Variants in VWC2L observed in about 807,000 individuals in gnomAD.
The protein encoded by VWC2L is von Willebrand factor C domain containing 2 like.
Under a neutral mutation model 21.6 loss-of-function variants are expected in VWC2L, and 10 were observed. The ratio of observed to expected loss-of-function variants is 0.46; its 90% CI spans 0.29 to 0.78. The LOEUF is 0.78. Ranked by LOEUF, VWC2L falls within the 30% of genes least tolerant of loss-of-function variation. The pLI is 0.10. For missense variants in VWC2L, 209 were observed against 277.1 expected, an observed-to-expected ratio of 0.75 and a Z score of 1.74; for synonymous variants, 96 against 94.3, an observed-to-expected ratio of 1.02 and a Z score of -0.10.
intron 3 of VWC2L, among the ~76,000 whole-genome samples, chr2:214,517,917 A>G (rs1192922679): frequency 6.6e-6 from 1 of 152,264 alleles, no homozygotes; most frequent in East Asian, 1.9e-4. Flanking sequence ...CTGTAATACC[A>G]GCACTTTGGG....
chr2:214,552,388 T>A (rs1689807635), intron 3 of VWC2L, among the ~76,000 whole-genome samples: 1 of 152,184 alleles, frequency 6.6e-6, no homozygotes, highest in Admixed American at 6.5e-5. Flanking sequence ...ATGCTTTTTT[T>A]TTCCCCACAT....
intron 3 of VWC2L, among the ~76,000 whole-genome samples, chr2:214,460,907 C>T (rs905021256): frequency 6.6e-6 from 1 of 152,040 alleles, no homozygotes; most frequent in Non-Finnish European, 1.5e-5. Context: ...GATTTGCTTT[C>T]GTAGAGGAAG....
At chr2:214,516,296 C>T (rs1425897616) in intron 3 of VWC2L, among the ~76,000 whole-genome samples, 1 of 152,074 alleles carries the variant, frequency 6.6e-6, no homozygotes, top group Non-Finnish European at 1.5e-5. Flanking sequence ...TAACGCTGCT[C>T]TCACCCAACA....
intron 3 of VWC2L, among the ~76,000 whole-genome samples, chr2:214,556,505 A>G (rs1689875448): frequency 6.6e-6 from 1 of 152,208 alleles, no homozygotes; most frequent in Non-Finnish European, 1.5e-5. Flanking sequence ...GAAGGGTCAC[A>G]CACAGGAACT....
intron 3 of VWC2L, among the ~76,000 whole-genome samples, chr2:214,455,636 T>G (rs189227740): frequency 2.6e-5 from 4 of 152,340 alleles, no homozygotes; most frequent in African/African-American, 4.8e-5. Flanking sequence ...ACATTAGAAC[T>G]TATTCCTTCT....
chr2:214,546,287 A>C (rs922203896), intron 3 of VWC2L, among the ~76,000 whole-genome samples: 3 of 152,176 alleles, frequency 2.0e-5, no homozygotes, highest in African/African-American at 7.2e-5. Flanking sequence ...CAAGATGCAC[A>C]AAACTTCAGT....
chr2:214,569,365 T>C (rs1467447339), intron 3 of VWC2L, among the ~76,000 whole-genome samples: 1 of 151,878 alleles, frequency 6.6e-6, no homozygotes, highest in Non-Finnish European at 1.5e-5. Context: ...CTACATAAAA[T>C]CCTTCAGTGA....
chr2:214,505,721 C>G (rs183202351), intron 3 of VWC2L, among the ~76,000 whole-genome samples: 12 of 151,962 alleles, frequency 7.9e-5, no homozygotes, highest in African/African-American at 2.9e-4. Flanking sequence ...TGTTCTGGCC[C>G]TGTATTCAAT....
chr2:214,526,579 C>G (rs1287128929), intron 3 of VWC2L, among the ~76,000 whole-genome samples: 4 of 152,192 alleles, frequency 2.6e-5, no homozygotes, highest in Non-Finnish European at 5.9e-5. Flanking sequence ...TCCACTTTGA[C>G]TTGCCTCATT....
chr2:214,429,074 T>C (rs138119573), intron 2 of VWC2L, among the ~76,000 whole-genome samples: 1 of 152,312 alleles, frequency 6.6e-6, no homozygotes, highest in East Asian at 1.9e-4. Context: ...AGAATTCTCC[T>C]AGTGATGTAC....
At chr2:214,480,864 C>CAAAAAAAAAAAAAAAAAAAAAA (rs59720596) in intron 3 of VWC2L, among the ~76,000 whole-genome samples, 1 of 71,748 alleles carries the variant, frequency 1.4e-5, no homozygotes, top group African/African-American at 5.4e-5. Context: ...TATGCCAAGC[C>CAAAAAAAAAAAAAAAAAAAAAA]AAAAAAAAAA....
At chr2:214,533,595 A>G (rs994479313) in intron 3 of VWC2L, among the ~76,000 whole-genome samples, 2 of 152,084 alleles carry the variant, frequency 1.3e-5, no homozygotes, top group African/African-American at 4.8e-5. Flanking sequence ...TGAAAAAACA[A>G]ATAACAGACA....
At chr2:214,557,132 G>A (rs1689885639) in intron 3 of VWC2L, among the ~76,000 whole-genome samples, 1 of 152,118 alleles carries the variant, frequency 6.6e-6, no homozygotes, top group Non-Finnish European at 1.5e-5. Flanking sequence ...TCGTTTACAT[G>A]CTGCTGATAA....
chr2:214,528,791 C>T (rs565104105), intron 3 of VWC2L, among the ~76,000 whole-genome samples: 2 of 152,270 alleles, frequency 1.3e-5, no homozygotes, highest in Non-Finnish European at 2.9e-5. Context: ...CTGCAGAATA[C>T]CTGCTCCTCT....
At chr2:214,537,158 C>T (rs1469189560) in intron 3 of VWC2L, among the ~76,000 whole-genome samples, 2 of 152,014 alleles carry the variant, frequency 1.3e-5, no homozygotes, top group Non-Finnish European at 2.9e-5. Flanking sequence ...CTCGTGTGTC[C>T]ACTCACCCCT....
chr2:214,467,996 AAAT>A (rs1402699120), intron 3 of VWC2L, among the ~76,000 whole-genome samples: 2 of 152,084 alleles, frequency 1.3e-5, no homozygotes, highest in Non-Finnish European at 2.9e-5. Flanking sequence ...GACAGAAAAT[AAAT>A]AATAATATAT....
intron 3 of VWC2L, among the ~76,000 whole-genome samples, chr2:214,448,502 CACAT>C (rs1702905885): frequency 6.6e-6 from 1 of 152,116 alleles, no homozygotes; most frequent in African/African-American, 2.4e-5. Context: ...GATTAGCCTG[CACAT>C]ATTAACTGAT....
At chr2:214,451,002 T>A (rs769922357) in intron 3 of VWC2L, among the ~76,000 whole-genome samples, 3 of 152,082 alleles carry the variant, frequency 2.0e-5, no homozygotes, top group Non-Finnish European at 4.4e-5. Flanking sequence ...GCCCTTAGAT[T>A]GCTGAGTTTT....
Position 214,545,141 on chromosome 2 carries a change from G to A in VWC2L, c.521-30531G>A, listed in dbSNP as rs187598560. ...AGCAATATGATGCATATAAAACTTC[G>A]AAGGATTATAAAATAAAAGGGCAAA... is the stretch of plus-strand genomic sequence containing the variant. On this transcript the variant is annotated intron_variant, in intron 3 of 3. Coordinates refer to ENST00000312504, the MANE Select transcript of VWC2L (RefSeq NM_001080500.4). Among the ~76,000 whole-genome samples the A allele has an allele frequency of 3.2e-3, 482 of 152,074 alleles. 6 individuals are homozygous for A. The highest frequency in any genetic ancestry group is 0.01 in the Middle Eastern group (3 of 294).
Sources: gnomAD v4.1 joint callset for allele counts (sites outside exome capture counted in the v4.1 genomes callset) on GRCh38, gnomAD v4.1.1 for gene constraint, MANE v1.5 for transcripts, NCBI Gene and HGNC (gene_info 2026-07-23, HGNC 2026-07-21) for gene names.